The following CHODL variants were observed in gnomAD, a reference collection of about 807,000 sequenced individuals.
CHODL encodes transmembrane protein MT75.
CHODL carries 29 observed loss-of-function variants against 34.5 expected under a neutral mutation model. The ratio of observed to expected loss-of-function variants is 0.84; its 90% CI spans 0.63 to 1.15. The LOEUF is 1.15. Ranked by LOEUF, CHODL falls within the 50% of genes most tolerant of loss-of-function variation. The probability of loss-of-function intolerance (pLI) is 0.00; values close to 1 mark genes in which losing one functional copy is unlikely to be tolerated. For missense variants in CHODL, 332 were observed against 332.5 expected (o/e 1.00, Z 0.01); for synonymous variants, 125 against 116.1 (o/e 1.08, Z -0.49).
intron 2 of CHODL, among the ~76,000 whole-genome samples, chr21:18,151,082 CAAAAAAAAAA>C (rs61176066): frequency 1.5e-4 from 19 of 122,994 alleles, no homozygotes; most frequent in South Asian, 2.6e-4. Context: ...GACTCTGTGT[CAAAAAAAAAA>C]AAAAAAAAAA....
chr21:18,069,539 AATATAT>A (rs71318122), intron 2 of CHODL, among the ~76,000 whole-genome samples: 1 of 147,450 alleles, frequency 6.8e-6, no homozygotes, highest in Non-Finnish European at 1.5e-5. Context: ...ATATATGTGG[AATATAT>A]ATATATATAT....
intron 1 of CHODL, among the ~76,000 whole-genome samples, chr21:18,003,232 A>G (rs2063927987): frequency 6.6e-6 from 1 of 151,530 alleles, no homozygotes; most frequent in South Asian, 2.1e-4. Context: ...TTGTCAGGAG[A>G]ATTGCTGCTC....
chr21:18,232,569 G>A (rs55809504), intron 2 of CHODL, among the ~76,000 whole-genome samples: 28,390 of 151,826 alleles, frequency 0.19, 3,505 homozygotes, highest in African/African-American at 0.36. Flanking sequence ...CACCTCTTAG[G>A]TACCCACAAT....
At chr21:17,926,993 C>T (rs10446092) in intron 1 of CHODL, among the ~76,000 whole-genome samples, 45,891 of 150,626 alleles carry the variant, frequency 0.3, 8,505 homozygotes, top group South Asian at 0.47. Flanking sequence ...CACACACACA[C>T]GCACACACAC....
chr21:18,124,841 A>T (rs1214284155), intron 2 of CHODL, among the ~76,000 whole-genome samples: 2 of 152,262 alleles, frequency 1.3e-5, no homozygotes. Flanking sequence ...TTTCTCACTT[A>T]GTTCTCACAA....
intron 1 of CHODL, among the ~76,000 whole-genome samples, chr21:18,008,191 GA>G (rs2063978207): frequency 6.6e-6 from 1 of 151,534 alleles, no homozygotes; most frequent in Non-Finnish European, 1.5e-5. Flanking sequence ...TTGATATACA[GA>G]AAAGTGCACA....
At chr21:18,169,260 T>G (rs1050748069) in intron 2 of CHODL, among the ~76,000 whole-genome samples, 9 of 152,138 alleles carry the variant, frequency 5.9e-5, no homozygotes, top group African/African-American at 2.2e-4. Context: ...TTTGTGTCTT[T>G]CTAGAATATT....
At chr21:18,152,441 G>T (rs1418064188) in intron 2 of CHODL, among the ~76,000 whole-genome samples, 1 of 152,208 alleles carries the variant, frequency 6.6e-6, no homozygotes, top group African/African-American at 2.4e-5. Flanking sequence ...TCAACTCAAG[G>T]AGTTAGCCAG....
intron 2 of CHODL, among the ~76,000 whole-genome samples, chr21:18,200,975 G>C (rs2073644465): frequency 6.6e-6 from 1 of 152,140 alleles, no homozygotes; most frequent in Admixed American, 6.5e-5. Flanking sequence ...AGAAGGAACA[G>C]AGCCCTGCCA....
chr21:17,995,714 C>T (rs934419684), intron 1 of CHODL, among the ~76,000 whole-genome samples: 1 of 152,170 alleles, frequency 6.6e-6, no homozygotes, highest in Non-Finnish European at 1.5e-5. Flanking sequence ...CTAACTGTAC[C>T]TACATCTTTA....
At chr21:18,013,635 C>CTTTGTTTTTTTTTT (rs2064040828) in intron 1 of CHODL, among the ~76,000 whole-genome samples, 1 of 71,896 alleles carries the variant, frequency 1.4e-5, no homozygotes, top group Non-Finnish European at 2.5e-5. Context: ...GCTGCTGCTG[C>CTTTGTTTTTTTTTT]TTTTTTTTTT....
At chr21:18,154,176 G>C (rs1161812973) in intron 2 of CHODL, among the ~76,000 whole-genome samples, 2 of 152,090 alleles carry the variant, frequency 1.3e-5, no homozygotes, top group Non-Finnish European at 2.9e-5. Flanking sequence ...ATGTAAAAAG[G>C]CTTATGTATT....
intron 2 of CHODL, among the ~76,000 whole-genome samples, chr21:18,178,622 A>G (rs2073344873): frequency 6.6e-6 from 1 of 152,208 alleles, no homozygotes; most frequent in Non-Finnish European, 1.5e-5. Context: ...AGAAAATGTT[A>G]AGAAAATCAT....
chr21:18,098,308 C>T (rs2065165084), intron 2 of CHODL, among the ~76,000 whole-genome samples: 1 of 151,584 alleles, frequency 6.6e-6, no homozygotes, highest in African/African-American at 2.4e-5. Context: ...GCAGACTACC[C>T]ATATGATAAG....
intron 2 of CHODL, among the ~76,000 whole-genome samples, chr21:18,136,587 T>C (rs963083124): frequency 6.6e-6 from 1 of 151,916 alleles, no homozygotes; most frequent in African/African-American, 2.4e-5. Context: ...ATTACATTTT[T>C]ACTTAGTAGC....
intron 1 of CHODL, chr21:18,027,828 A>G (rs897137151): frequency 1.3e-5 from 2 of 152,566 alleles, no homozygotes; most frequent in Non-Finnish European, 2.9e-5. Context: ...TGATAAAGCA[A>G]TACAAGAGAG....
chr21:18,257,636 C>A (rs1265087081), intron 3 of CHODL, among the ~76,000 whole-genome samples: 1 of 152,078 alleles, frequency 6.6e-6, no homozygotes, highest in Non-Finnish European at 1.5e-5. Context: ...CTCATTGCCC[C>A]ATAGTGGAAA....
At chr21:18,168,766 T>C (rs186159534) in intron 2 of CHODL, among the ~76,000 whole-genome samples, 2 of 152,316 alleles carry the variant, frequency 1.3e-5, no homozygotes, top group East Asian at 1.9e-4. Flanking sequence ...TGCTTTAATA[T>C]TGATGAAGTA....
At chr21:18,255,738 T>C (rs937435511) in intron 1 of CHODL, among the ~76,000 whole-genome samples, 8 of 152,136 alleles carry the variant, frequency 5.3e-5, no homozygotes, top group Admixed American at 4.6e-4. Context: ...TTTAAGTTCA[T>C]AGTTGGGAGA....
Sources: gnomAD v4.1 joint callset for allele counts (sites outside exome capture counted in the v4.1 genomes callset) on GRCh38, gnomAD v4.1.1 for gene constraint, MANE v1.5 for transcripts, NCBI Gene and HGNC (gene_info 2026-07-23, HGNC 2026-07-21) for gene names.